CDK5RAP2: variants seen among roughly 807,000 people sequenced by gnomAD.
CDK5RAP2 encodes the protein CDK5 regulatory subunit-associated protein 2.
CDK5RAP2 carries 147 observed loss-of-function variants against 232.9 expected under a neutral mutation model. The ratio of observed to expected loss-of-function variants is 0.63; its 90% CI spans 0.55 to 0.72. The LOEUF (loss-of-function observed/expected upper bound fraction) is 0.72. Ranked by LOEUF, CDK5RAP2 falls within the 30% of genes least tolerant of loss-of-function variation. The probability of loss-of-function intolerance (pLI) is 0.00; values close to 1 mark genes in which losing one functional copy is unlikely to be tolerated. For synonymous variants in CDK5RAP2, 833 were observed against 833.7 expected (o/e 1.00, Z 0.01); for missense variants, 2,195 against 2,231.5 (o/e 0.98, Z 0.33).
Position 120,467,918 on chromosome 9 carries a change from C to T in CDK5RAP2, c.2048G>A (p.Cys683Tyr). 6.2e-7 allele frequency: 1 copy of T among 1,614,142 alleles called. No individual in the cohort carries two copies. ...AAACCCATTTCCCTGGAAACCCATG[C>T]AGGAGAGATCAAAAATGGTTTTCTT... The part of the protein sequence containing the change: ...HLKKTIFDLS[C>Y]MGFQGNGFPD... Residue 683 changes from cysteine (C) to tyrosine (Y), a missense_variant, in exon 18 of 38, where the codon TGC (cysteine) becomes TAC (tyrosine). Transcript: ENST00000349780.
chr9:120,489,411 T>A (rs1330221939), intron 13 of CDK5RAP2, among the ~76,000 whole-genome samples: 5 of 152,200 alleles, frequency 3.3e-5, no homozygotes, highest in Admixed American at 2.6e-4. Flanking sequence ...GGGAATTTTC[T>A]CCTATTACTT....
At chr9:120,537,956 ACAGAG>A (rs2041466568) in intron 6 of CDK5RAP2, among the ~76,000 whole-genome samples, 1 of 152,210 alleles carries the variant, frequency 6.6e-6, no homozygotes, top group Non-Finnish European at 1.5e-5. Context: ...CTAGTAAGTG[ACAGAG>A]CAGAGACCTG....
chr9:120,394,452 C>T, intron 36 of CDK5RAP2, 60 bp downstream of exon 36: 1 of 1,612,432 alleles, frequency 6.2e-7, no homozygotes, highest in Non-Finnish European at 8.5e-7. Flanking sequence ...CAGGGCAGAA[C>T]TGGGAGCCCT....
intron 27 of CDK5RAP2, among the ~76,000 whole-genome samples, chr9:120,415,439 C>CT (rs2034155187): frequency 6.6e-6 from 1 of 152,110 alleles, no homozygotes; most frequent in Non-Finnish European, 1.5e-5. Context: ...CTAATGTAGC[C>CT]TTTTATTCTT....
Position 120,523,906 on chromosome 9 carries a change from G to A in CDK5RAP2, c.1092+1080C>T, listed in dbSNP as rs574264120. On this transcript the variant is annotated intron_variant, in intron 11 of 37. Transcript: ENST00000349780. ...CAGGAGTCCTTGTAGTACAACATTG[G>A]GGGACGGAGGGAGGAGAAGGCAGGT... 2.0e-5 allele frequency among the ~76,000 whole-genome samples: 3 copies of A among 152,146 alleles called. No homozygotes were observed. In the East Asian group the frequency reaches 5.8e-4, roughly 29 times the overall value.
intron 3 of CDK5RAP2, among the ~76,000 whole-genome samples, chr9:120,558,780 G>A (rs2042344390): frequency 1.3e-5 from 2 of 152,064 alleles, no homozygotes; most frequent in Non-Finnish European, 2.9e-5. Flanking sequence ...ATCTAAAGTG[G>A]GCCCCATCTC....
chr9:120,565,142 C>T (rs1350342194), intron 3 of CDK5RAP2, among the ~76,000 whole-genome samples: 1 of 152,198 alleles, frequency 6.6e-6, no homozygotes, highest in Non-Finnish European at 1.5e-5. Context: ...AAAGGAATTG[C>T]TTTGATAGAA....
chr9:120,560,536 G>A (rs1348412545), intron 3 of CDK5RAP2, among the ~76,000 whole-genome samples: 3 of 152,158 alleles, frequency 2.0e-5, no homozygotes, highest in Non-Finnish European at 4.4e-5. Flanking sequence ...AGACAGTATG[G>A]CATCTTTCCT....
At chr9:120,501,880 A>G (rs767586915) in intron 12 of CDK5RAP2, among the ~76,000 whole-genome samples, 4 of 152,230 alleles carry the variant, frequency 2.6e-5, no homozygotes, top group Admixed American at 6.5e-5. Flanking sequence ...GTTATGCAGC[A>G]ATAGATATCA....
At chr9:120,543,653 G>A (rs895712739) in intron 5 of CDK5RAP2, among the ~76,000 whole-genome samples, 1 of 152,132 alleles carries the variant, frequency 6.6e-6, no homozygotes, top group Non-Finnish European at 1.5e-5. Context: ...GAGGCCAGGG[G>A]TTCGAGACCA....
At chr9:120,443,819 C>A in intron 22 of CDK5RAP2, 77 bp from the exon 23 acceptor site, 1 of 1,585,882 alleles carries the variant, frequency 6.3e-7, no homozygotes. Flanking sequence ...CTGAGAAGAA[C>A]ACAAAGATAC....
intron 25 of CDK5RAP2, among the ~76,000 whole-genome samples, chr9:120,435,140 C>G (rs1232028378): frequency 1.3e-5 from 2 of 152,058 alleles, no homozygotes; most frequent in East Asian, 3.8e-4. Context: ...AAGAATGAAA[C>G]CAAACAACTT....
intron 14 of CDK5RAP2, among the ~76,000 whole-genome samples, chr9:120,481,387 C>A (rs958519483): frequency 6.6e-6 from 1 of 152,006 alleles, no homozygotes; most frequent in African/African-American, 2.4e-5. Context: ...ATAAGAAAAT[C>A]TATTGTTTCT....
At chr9:120,496,352 G>C (rs1247870502) in intron 12 of CDK5RAP2, among the ~76,000 whole-genome samples, 1 of 141,900 alleles carries the variant, frequency 7.0e-6, no homozygotes, top group African/African-American at 2.6e-5. Context: ...CCCCCCGCCC[G>C]GCCAGCCGCC....
chr9:120,419,248 T>C (rs1430768248), intron 27 of CDK5RAP2, among the ~76,000 whole-genome samples: 2 of 152,210 alleles, frequency 1.3e-5, no homozygotes, highest in African/African-American at 4.8e-5. Context: ...TTCTGCTGTT[T>C]ATAAGTCACC....
chr9:120,520,622 G>A lies in CDK5RAP2; in HGVS notation c.1093-1977C>T, dbSNP rs568472010. Among the ~76,000 whole-genome samples the A allele has an allele frequency of 4.6e-5, 7 of 151,990 alleles. No homozygotes were observed. The South Asian group carries it at 1.2e-3, about 27-fold the overall frequency. On this transcript the variant is annotated intron_variant, in intron 11 of 37. Coordinates refer to ENST00000349780, the MANE Select transcript of CDK5RAP2 (RefSeq NM_018249.6). ...TGCGCCACTGCACTCCAGTCTGGAC[G>A]ACAGAGCAAGACTCTGTCTCAAAAA...
At chr9:120,481,139 TG>T (rs2038282583) in intron 14 of CDK5RAP2, among the ~76,000 whole-genome samples, 2 of 152,194 alleles carry the variant, frequency 1.3e-5, no homozygotes, top group East Asian at 3.8e-4. Context: ...TGTGCTTACG[TG>T]TTACTACACT....
chr9:120,452,024 G>A (rs2036505914), intron 21 of CDK5RAP2, among the ~76,000 whole-genome samples: 2 of 151,634 alleles, frequency 1.3e-5, no homozygotes, highest in Admixed American at 1.3e-4. Context: ...AATATATTTG[G>A]GGAAATTAAG....
intron 1 of CDK5RAP2, among the ~76,000 whole-genome samples, chr9:120,579,006 T>G (rs2043143899): frequency 6.6e-6 from 1 of 152,194 alleles, no homozygotes; most frequent in Non-Finnish European, 1.5e-5. Context: ...GCTCTCCTCC[T>G]CTTCCCTCTA....
Sources: gnomAD v4.1 joint callset for allele counts (sites outside exome capture counted in the v4.1 genomes callset) on GRCh38, gnomAD v4.1.1 for gene constraint, MANE v1.5 for transcripts, NCBI Gene and HGNC (gene_info 2026-07-23, HGNC 2026-07-21) for gene names.